NDRG2: variants seen among roughly 807,000 people sequenced by gnomAD.
NDRG2 encodes the protein NDRG family member 2, also known as protein NDRG2.
Under a neutral mutation model 58.2 loss-of-function variants are expected in NDRG2, and 34 were observed. That is an observed-to-expected ratio of 0.58 (90% CI 0.44 to 0.78). The LOEUF is 0.78. Ranked by LOEUF, NDRG2 falls within the 30% of genes least tolerant of loss-of-function variation. NDRG2 has a pLI of 0.00. For synonymous variants in NDRG2, 187 were observed against 175.9 expected (o/e 1.06, Z -0.50); for missense variants, 434 against 471.2 (o/e 0.92, Z 0.73).
intron 1 of NDRG2, chr14:21,057,835 T>G (rs1479571556): frequency 6.8e-7 from 1 of 1,460,088 alleles, no homozygotes; most frequent in African/African-American, 1.4e-5. Context: ...GACTCCCCCA[T>G]GATGACCTAT....
intron 1 of NDRG2, chr14:21,034,345 T>C (rs1594485288): frequency 7.8e-7 from 1 of 1,273,958 alleles, no homozygotes; most frequent in Non-Finnish European, 1.1e-6. Context: ...GAAGTGGCTG[T>C]CTGCCACATC....
chr14:21,024,371 C>CCGGATT lies in NDRG2; in HGVS notation c.-354_-349dup, dbSNP rs1372788490. 2 of 948,102 alleles carry CCGGATT rather than the reference C, an allele frequency of 2.1e-6. No individual in the cohort carries two copies. Among genetic ancestry groups the CCGGATT allele is most frequent in the Non-Finnish European group, 2.5e-6 (2 of 795,934 alleles). 58.7% of individuals were successfully genotyped at this position (948,102 alleles called of 1,614,324 possible). A position where few individuals can be genotyped will look rare whatever the true frequency, so the allele number is the denominator to read the frequency against. Reference sequence around the variant, plus strand: ...TAAGAGGGTGGCCCTGTCAGAACCTCCGGATTCGAATCCCGGCTCTGCCAC... The same window carrying CCGGATT: ...TAAGAGGGTGGCCCTGTCAGAACCTCCGGATTCGGATTCGAATCCCGGCTCTGCCAC... On this transcript the variant is annotated 5_prime_UTR_variant, in exon 1 of 16. Transcript: ENST00000556147.
chr14:21,059,439 T>C (rs1885835926), intron 1 of NDRG2, among the ~76,000 whole-genome samples: 1 of 152,148 alleles, frequency 6.6e-6, no homozygotes, highest in Non-Finnish European at 1.5e-5. Context: ...TCAATTTATA[T>C]AAAATACTCT....
intron 1 of NDRG2, chr14:21,058,224 C>G: frequency 1.2e-6 from 2 of 1,614,150 alleles, no homozygotes; most frequent in South Asian, 2.2e-5. Context: ...GGTGAGCTCA[C>G]CTCAGGGAAG....
chr14:21,033,793 T>C, intron 1 of NDRG2: 1 of 1,402,956 alleles, frequency 7.1e-7, no homozygotes, highest in Non-Finnish European at 1.0e-6. Context: ...CCTGTGGTGG[T>C]AGAGGTTGGG....
intron 1 of NDRG2, among the ~76,000 whole-genome samples, chr14:21,035,229 G>A (rs1263212691): frequency 2.0e-5 from 3 of 152,196 alleles, no homozygotes; most frequent in African/African-American, 7.2e-5. Flanking sequence ...GTGACCTCAG[G>A]CCCTGTCAGA....
At position 21,024,158 on chromosome 14, in the gene NDRG2, G is replaced by A. The variant is rs1882426310; in HGVS notation, c.-135C>T. 1.0e-6 allele frequency: 1 copy of A among 985,344 alleles called. No individual in the cohort carries two copies. Among genetic ancestry groups the A allele is most frequent in the East Asian group, 1.1e-4 (1 of 8,808 alleles). The allele number at this position is 985,344 out of a possible 1,614,324, so 61.0% of individuals were successfully genotyped here. A position where few individuals can be genotyped will look rare whatever the true frequency, so the allele number is the denominator to read the frequency against. ...GACAGACCTGGGGTCTTTCAGGGAC[G>A]GAAAGCCTCAGCCAAGACCCAGACT... is the stretch of plus-strand genomic sequence containing the variant. On this transcript the variant is annotated 5_prime_UTR_variant, in exon 1 of 16. Coordinates refer to ENST00000556147, the MANE Select transcript of NDRG2 (RefSeq NM_001320329.2).
chr14:21,043,366 G>A (rs148716297), intron 1 of NDRG2: 121 of 1,614,138 alleles, frequency 7.5e-5, no homozygotes, highest in East Asian at 4.5e-4. Flanking sequence ...AAAGAGAAGC[G>A]ACAGAACAAG....
At chr14:21,019,537 G>T in intron 10 of NDRG2, 102 bp downstream of exon 10, 1 of 756,706 alleles carries the variant, frequency 1.3e-6, no homozygotes, top group South Asian at 1.8e-5. Context: ...CTTGCACATT[G>T]CACACTACCC....
At chr14:21,058,610 A>G (rs1242530160) in intron 1 of NDRG2, among the ~76,000 whole-genome samples, 3 of 152,140 alleles carry the variant, frequency 2.0e-5, no homozygotes, top group African/African-American at 7.2e-5. Context: ...CAGGATCCCC[A>G]CAAGGATGGA....
intron 12 of NDRG2, 45 bp from the exon 13 acceptor site, chr14:21,018,549 GGC>G: frequency 6.2e-7 from 1 of 1,606,632 alleles, no homozygotes; most frequent in South Asian, 1.1e-5. Flanking sequence ...CGCCCACTGT[GGC>G]GCCTCCCCCG....
At position 21,043,470 on chromosome 14, in the gene NDRG2, A is replaced by G. The variant is rs139925219; in HGVS notation, c.25-20149T>C. 1,229 of 1,568,284 alleles carry G rather than the reference A, an allele frequency of 7.8e-4. 7 individuals carry two copies. In the African/African-American group the frequency reaches 0.012, roughly 15 times the overall value. ...CTTGGACAGAGTCCTTTAGGTTTCC[A>G]GACTGGCTTGCTCTTTGGCTGACCT... On this transcript the variant is annotated intron_variant, in intron 1 of 14. Coordinates refer to the NDRG2 transcript ENST00000403829.
intron 1 of NDRG2, among the ~76,000 whole-genome samples, chr14:21,061,175 T>G (rs1885937490): frequency 6.6e-6 from 1 of 152,226 alleles, no homozygotes. Flanking sequence ...AAGTTCATTC[T>G]CTGTTGAATG....
chr14:21,049,122 C>T (rs1384724444), intron 1 of NDRG2, among the ~76,000 whole-genome samples: 1 of 152,104 alleles, frequency 6.6e-6, no homozygotes, highest in African/African-American at 2.4e-5. Flanking sequence ...CTCTGTATTC[C>T]CTCCCATCCA....
chr14:21,034,613 C>A (rs777013709), intron 1 of NDRG2: 4 of 281,716 alleles, frequency 1.4e-5, no homozygotes, highest in African/African-American at 2.2e-5. Flanking sequence ...CCTGGCACTC[C>A]TGCTAGTAAA....
chr14:21,057,931 G>A (rs1415472314), intron 1 of NDRG2: 1 of 1,614,066 alleles, frequency 6.2e-7, no homozygotes. Flanking sequence ...CCCTGCTGCT[G>A]CTGCTTCTGG....
At chr14:21,062,002 A>C (rs1885988362) in intron 1 of NDRG2, among the ~76,000 whole-genome samples, 1 of 152,244 alleles carries the variant, frequency 6.6e-6, no homozygotes, top group Admixed American at 6.5e-5. Context: ...ATGTTTAAAG[A>C]GTTTCATTAA....
chr14:21,036,034 C>T (rs758809090), intron 1 of NDRG2: 36 of 377,954 alleles, frequency 9.5e-5, no homozygotes, highest in Middle Eastern at 3.7e-4. Context: ...TACCTCACGG[C>T]AGTATGAGGA....
chr14:21,063,379 A>G (rs185553198), intron 1 of NDRG2, among the ~76,000 whole-genome samples: 1 of 152,360 alleles, frequency 6.6e-6, no homozygotes, highest in African/African-American at 2.4e-5. Flanking sequence ...ATTGGCACAA[A>G]TAAGATAATG....
Sources: allele counts gnomAD v4.1 joint callset (sites outside exome capture counted in the v4.1 genomes callset), GRCh38; gene constraint gnomAD v4.1.1; transcripts MANE v1.5; gene names NCBI Gene and HGNC (gene_info 2026-07-23, HGNC 2026-07-21).